The following PTPN13 variants were observed in gnomAD, a reference collection of about 807,000 sequenced individuals.
PTPN13 encodes tyrosine-protein phosphatase non-receptor type 13.
In PTPN13, 191 loss-of-function variants were observed where a neutral mutation model predicts 284.0. That is an observed-to-expected ratio of 0.67 (90% confidence interval 0.60 to 0.76). PTPN13 has a LOEUF of 0.76. PTPN13 is among the 30% of genes least tolerant of loss of function. The pLI is 0.00. For synonymous variants in PTPN13, 986 were observed against 1,022.3 expected (o/e 0.96, Z 0.68); for missense variants, 2,797 against 2,939.9 (o/e 0.95, Z 1.12).
intron 1 of PTPN13, among the ~76,000 whole-genome samples, chr4:86,598,301 C>T (rs770950947): frequency 4.3e-4 from 65 of 152,082 alleles, no homozygotes; most frequent in Non-Finnish European, 7.8e-4. Flanking sequence ...TGTGCTACCA[C>T]ACCTGGCTAA....
intron 2 of PTPN13, among the ~76,000 whole-genome samples, chr4:86,643,453 T>C (rs890205009): frequency 6.6e-6 from 1 of 152,108 alleles, no homozygotes; most frequent in Admixed American, 6.5e-5. Context: ...AAGACAAATA[T>C]CAAATTTCAC....
At chr4:86,639,018 A>G (rs1723407461) in intron 2 of PTPN13, among the ~76,000 whole-genome samples, 1 of 152,234 alleles carries the variant, frequency 6.6e-6, no homozygotes, top group Admixed American at 6.5e-5. Flanking sequence ...TGGGCAAAGG[A>G]TATGAACAGA....
intron 1 of PTPN13, among the ~76,000 whole-genome samples, chr4:86,608,512 G>C (rs1308835581): frequency 6.6e-6 from 1 of 152,014 alleles, no homozygotes; most frequent in Non-Finnish European, 1.5e-5. Context: ...TAATTATAAT[G>C]ATAGTACATG....
chr4:86,649,757 T>C (rs1724865530), intron 2 of PTPN13, among the ~76,000 whole-genome samples: 1 of 152,200 alleles, frequency 6.6e-6, no homozygotes, highest in African/African-American at 2.4e-5. Flanking sequence ...TCTATCTCTG[T>C]GAAGAATTTC....
At chr4:86,732,221 T>C (rs1383895438) in intron 10 of PTPN13, among the ~76,000 whole-genome samples, 179 bp from the exon 11 acceptor site, 3 of 152,230 alleles carry the variant, frequency 2.0e-5, no homozygotes, top group Admixed American at 2.0e-4. Flanking sequence ...ATTTCTGTTA[T>C]TGGTAAATTC....
intron 27 of PTPN13, among the ~76,000 whole-genome samples, 167 bp from the exon 28 acceptor site, chr4:86,767,650 C>T (rs540808377): frequency 2.6e-5 from 4 of 152,124 alleles, no homozygotes; most frequent in East Asian, 3.9e-4. Flanking sequence ...GAACTTTCAA[C>T]CCCTTGCTTT....
intron 1 of PTPN13, among the ~76,000 whole-genome samples, chr4:86,629,069 A>G (rs1198354077): frequency 6.6e-6 from 1 of 151,824 alleles, no homozygotes; most frequent in East Asian, 1.9e-4. Flanking sequence ...ACCAAAAGCA[A>G]TGGCAACAAA....
At chr4:86,761,168 A>ATATG (rs1738642716) in intron 23 of PTPN13, among the ~76,000 whole-genome samples, 1 of 146,502 alleles carries the variant, frequency 6.8e-6, no homozygotes, top group African/African-American at 2.5e-5. Flanking sequence ...ATATATATAT[A>ATATG]TAAACACAAC....
At chr4:86,739,540 C>T (rs183819516) in intron 15 of PTPN13, among the ~76,000 whole-genome samples, 7 of 152,204 alleles carry the variant, frequency 4.6e-5, no homozygotes, top group Admixed American at 2.6e-4. Flanking sequence ...ATTCACTTAC[C>T]TCCCACTGGG....
At chr4:86,791,633 C>G (rs1398045436) in intron 40 of PTPN13, among the ~76,000 whole-genome samples, 1 of 152,164 alleles carries the variant, frequency 6.6e-6, no homozygotes, top group Admixed American at 6.5e-5. Flanking sequence ...GGCGGGTGCC[C>G]CTCTGGGATG....
Position 86,734,467 on chromosome 4 carries a change from A to T in PTPN13, c.2012+11A>T, listed in dbSNP as rs1187265918. ...TGTTAGTCTAATACAGTGAGTACAC[A>T]AGAGTTTCTCTTTTGCTCTTTTTGG... On this transcript the variant is annotated intron_variant, in intron 13 of 47. Coordinates refer to ENST00000411767, the MANE Select transcript of PTPN13 (RefSeq NM_080683.3). The T allele has an allele frequency of 6.6e-7, 1 of 1,526,078 alleles. No individual in the cohort carries two copies. Among genetic ancestry groups the T allele is most frequent in the African/African-American group, 1.4e-5 (1 of 71,904 alleles). The allele number at this position is 1,526,078 out of a possible 1,614,324, so 94.5% of individuals were successfully genotyped here. A position where few individuals can be genotyped will look rare whatever the true frequency, so the allele number is the denominator to read the frequency against.
Position 86,780,450 on chromosome 4 carries a change from T to A in PTPN13, c.5940T>A (p.Ala1980=), listed in dbSNP as rs1375432078. ...VPSSKRSAVS[A]PKSTKGNGSY... is the part of the protein sequence containing the mutation. ...GCTCAAAGAGGTCTGCTGTTTCAGC[T>A]CCAAAGTCAACCAAAGGCAATGGTA... is the stretch of plus-strand genomic sequence containing the variant. The change falls in exon 36 of 48, where the codon GCT becomes GCA. Residue 1980 remains alanine, a synonymous_variant. Transcript: ENST00000411767. The A allele has an allele frequency of 1.9e-6, 3 of 1,609,996 alleles. No homozygotes were observed. The highest frequency in any genetic ancestry group is 2.5e-6 in the Non-Finnish European group (3 of 1,177,338).
At chr4:86,662,673 T>C (rs933740260) in intron 2 of PTPN13, among the ~76,000 whole-genome samples, 1 of 152,240 alleles carries the variant, frequency 6.6e-6, no homozygotes, top group African/African-American at 2.4e-5. Context: ...AACTGTCGTT[T>C]AGAAGTCTGC....
intron 2 of PTPN13, among the ~76,000 whole-genome samples, chr4:86,653,595 G>A (rs1413535400): frequency 6.6e-6 from 1 of 151,246 alleles, no homozygotes; most frequent in African/African-American, 2.4e-5. Context: ...CACAACTCAT[G>A]ATTCAAAAAG....
chr4:86,676,153 T>C (rs1728253415), intron 3 of PTPN13, among the ~76,000 whole-genome samples: 1 of 152,242 alleles, frequency 6.6e-6, no homozygotes, highest in African/African-American at 2.4e-5. Flanking sequence ...TAATCCATTC[T>C]CTGTCCCGTT....
chr4:86,695,881 A>C (rs1730542120), intron 6 of PTPN13, among the ~76,000 whole-genome samples: 1 of 152,048 alleles, frequency 6.6e-6, no homozygotes. Context: ...TTTTTCTAAG[A>C]ATAAAAAATA....
rs1417457509 is a variant in PTPN13, at chr4:86,722,220, A to G, written c.1394A>G (p.Tyr465Cys). Residue 465 changes from tyrosine (Y) to cysteine (C), a missense_variant, in exon 10 of 48, where the codon TAT (tyrosine) becomes TGT (cysteine). By Grantham distance (194) the Tyr-to-Cys change is radical. Coordinates refer to ENST00000411767, the MANE Select transcript of PTPN13 (RefSeq NM_080683.3). ...QGQSQRPSRQ[Y>C]ETPFEGNLIN... ...TCCTCTTTTCTATATAGCAGACAAT[A>G]TGAAACACCCTTTGAAGGCAACTTA... 24 of 1,611,748 alleles carry G rather than the reference A, an allele frequency of 1.5e-5. No individual in the cohort carries two copies. Among genetic ancestry groups the G allele is most frequent in the Non-Finnish European group, 2.0e-5 (24 of 1,178,028 alleles).
intron 17 of PTPN13, among the ~76,000 whole-genome samples, chr4:86,745,818 C>A (rs1736691865): frequency 6.6e-6 from 1 of 151,874 alleles, no homozygotes; most frequent in African/African-American, 2.4e-5. Context: ...TTATATTGAA[C>A]AGACTTTATG....
At chr4:86,761,302 A>G (rs1200609958) in intron 23 of PTPN13, among the ~76,000 whole-genome samples, 1 of 151,750 alleles carries the variant, frequency 6.6e-6, no homozygotes, top group African/African-American at 2.4e-5. Flanking sequence ...CATTATATTT[A>G]TGTTATAGAC....
Sources: allele counts gnomAD v4.1 joint callset (sites outside exome capture counted in the v4.1 genomes callset), GRCh38; gene constraint gnomAD v4.1.1; transcripts MANE v1.5; gene names NCBI Gene and HGNC (gene_info 2026-07-23, HGNC 2026-07-21).